Variants in PDE1A observed in about 807,000 individuals in gnomAD.
The protein encoded by PDE1A is dual specificity calcium/calmodulin-dependent 3',5'-cyclic nucleotide phosphodiesterase 1A.
A neutral mutation model predicts 61.7 loss-of-function variants in PDE1A; 35 were observed. The observed-to-expected ratio is 0.57, with a 90% CI of 0.43 to 0.75. PDE1A has a LOEUF of 0.75. Among genes scored for constraint, PDE1A ranks in the 30% least tolerant of loss-of-function variants. The probability of loss-of-function intolerance (pLI) is 0.00; values close to 1 mark genes in which losing one functional copy is unlikely to be tolerated. For missense variants in PDE1A, 597 were observed against 630.6 expected, an observed-to-expected ratio of 0.95 and a Z score of 0.57; for synonymous variants, 232 against 213.2, an observed-to-expected ratio of 1.09 and a Z score of -0.77.
At chr2:182,644,263 C>CTGTGTGTGTGTGTGTGTGTG in the PDE1A span, among the ~76,000 whole-genome samples, 210 of 123,090 alleles carry the variant, frequency 1.7e-3, 2 homozygotes, top group African/African-American at 5.1e-3. Flanking sequence ...TCTTAAGACT[C>CTGTGTGTGTGTGTGTGTGTG]TGTGTGTGTG....
chr2:182,700,870 C>A, the PDE1A span, among the ~76,000 whole-genome samples: 1 of 151,436 alleles, frequency 6.6e-6, no homozygotes, highest in African/African-American at 2.4e-5. Context: ...GGAGCTGAGA[C>A]CACACCACTG....
intron 2 of PDE1A, among the ~76,000 whole-genome samples, chr2:182,256,038 C>CTTTTTTTTTTTTTTTTTTTTTTTGTTT (rs755211798): frequency 1.1e-5 from 1 of 92,336 alleles, no homozygotes; most frequent in Non-Finnish European, 2.1e-5. Flanking sequence ...AGGATGACTT[C>CTTTTTTTTTTTTTTTTTTTTTTTGTTT]TTTTTTTTTT....
intron 2 of PDE1A, among the ~76,000 whole-genome samples, chr2:182,482,288 C>A (rs1423482001): frequency 6.6e-6 from 1 of 151,914 alleles, no homozygotes; most frequent in Admixed American, 6.6e-5. Context: ...ATAAGACAAA[C>A]AATCTATCAG....
the PDE1A span, among the ~76,000 whole-genome samples, chr2:182,589,540 G>A: frequency 6.6e-6 from 1 of 152,052 alleles, no homozygotes; most frequent in Non-Finnish European, 1.5e-5. Context: ...AAAATTCAAG[G>A]AGAAAAAGAA....
exon 12 of PDE1A, chr2:182,186,475 C>T (rs1328160672): frequency 9.9e-6 from 16 of 1,611,576 alleles, no homozygotes; most frequent in East Asian, 4.5e-5. Flanking sequence ...TACCTGCTTG[C>T]CACATAGGAA....
chr2:182,350,798 C>T (rs1189797485), intron 1 of PDE1A, among the ~76,000 whole-genome samples: 2 of 152,090 alleles, frequency 1.3e-5, no homozygotes, highest in African/African-American at 4.8e-5. Context: ...GGTAGAGTCC[C>T]CCAGGACCCA....
At chr2:182,438,261 T>C (rs1684568072) in intron 2 of PDE1A, among the ~76,000 whole-genome samples, 1 of 151,918 alleles carries the variant, frequency 6.6e-6, no homozygotes, top group South Asian at 2.1e-4. Flanking sequence ...AGACTTCTTA[T>C]ACCAAGTTAT....
At chr2:182,480,677 ATGCAAATAC>A in intron 2 of PDE1A, among the ~76,000 whole-genome samples, 1 of 151,964 alleles carries the variant, frequency 6.6e-6, no homozygotes, top group Non-Finnish European at 1.5e-5. Context: ...TGTAGGTTAT[ATGCAAATAC>A]TATGACACTT....
rs1480765193 is a variant in PDE1A, at chr2:182,224,778, C to T, written c.676-814G>A. On this transcript the variant is annotated intron_variant, in intron 6 of 13. Transcript: ENST00000351439. ...AATTAAGTAAAATTAAATTCACTTT[C>T]CCAGTTACACTAGCCACATTACATA... 2.0e-5 allele frequency among the ~76,000 whole-genome samples: 3 copies of T among 151,836 alleles called. No homozygotes were observed. The South Asian group carries it at 6.2e-4, about 31-fold the overall frequency.
chr2:182,265,945 A>T (rs1197605216), intron 1 of PDE1A, among the ~76,000 whole-genome samples: 1 of 152,108 alleles, frequency 6.6e-6, no homozygotes, highest in African/African-American at 2.4e-5. Flanking sequence ...TTTCCTAGCA[A>T]TTTATTTTGG....
intron 1 of PDE1A, among the ~76,000 whole-genome samples, chr2:182,385,133 C>T (rs1347476696): frequency 2.0e-5 from 3 of 152,184 alleles, no homozygotes; most frequent in Admixed American, 6.5e-5. Context: ...GGGAATCCAT[C>T]TCCACCAGGC....
chr2:182,441,727 C>T (rs1403104311), intron 2 of PDE1A, among the ~76,000 whole-genome samples: 1 of 151,952 alleles, frequency 6.6e-6, no homozygotes, highest in Non-Finnish European at 1.5e-5. Flanking sequence ...ATACATCACA[C>T]TAGAAGGTAA....
intron 1 of PDE1A, among the ~76,000 whole-genome samples, chr2:182,350,404 A>C (rs564177191): frequency 6.6e-6 from 1 of 152,296 alleles, no homozygotes; most frequent in Non-Finnish European, 1.5e-5. Flanking sequence ...GGATGCTTAT[A>C]TCCTGTGTGC....
At chr2:182,249,050 T>G (rs937237947) in intron 2 of PDE1A, among the ~76,000 whole-genome samples, 2 of 152,248 alleles carry the variant, frequency 1.3e-5, no homozygotes, top group Admixed American at 6.5e-5. Context: ...ACAAGTTGGG[T>G]GAACTGAAAG....
chr2:182,177,355 AATTT>A (rs1370023516), intron 13 of PDE1A, among the ~76,000 whole-genome samples: 1 of 151,804 alleles, frequency 6.6e-6, no homozygotes, highest in Non-Finnish European at 1.5e-5. Flanking sequence ...TTATTGCCAC[AATTT>A]CAGATCCTGT....
chr2:182,426,097 G>C (rs1244675195), intron 1 of PDE1A, among the ~76,000 whole-genome samples: 3 of 152,038 alleles, frequency 2.0e-5, no homozygotes, highest in Admixed American at 6.6e-5. Context: ...TTAACTGCTG[G>C]TCTGATATTC....
the PDE1A span, among the ~76,000 whole-genome samples, chr2:182,646,420 TGGCTC>T: frequency 7.1e-6 from 1 of 140,588 alleles, no homozygotes; most frequent in African/African-American, 2.7e-5. Flanking sequence ...CCATACGCGG[TGGCTC>T]ACACCTGTAA....
chr2:182,434,796 A>G (rs1013275040), intron 2 of PDE1A, among the ~76,000 whole-genome samples: 13 of 152,086 alleles, frequency 8.5e-5, no homozygotes, highest in Non-Finnish European at 1.6e-4. Flanking sequence ...ATAGCTTTAT[A>G]CTAGATTCCC....
intron 1 of PDE1A, among the ~76,000 whole-genome samples, chr2:182,265,346 G>A (rs148031137): frequency 1.4e-4 from 22 of 151,976 alleles, no homozygotes; most frequent in East Asian, 5.8e-4. Flanking sequence ...TGCTAGATTC[G>A]CTATTATTCA....
Sources: allele counts gnomAD v4.1 joint callset (sites outside exome capture counted in the v4.1 genomes callset), GRCh38; gene constraint gnomAD v4.1.1; transcripts MANE v1.5; gene names NCBI Gene and HGNC (gene_info 2026-07-23, HGNC 2026-07-21).